Variants in RAI14 observed in about 807,000 individuals in gnomAD.
RAI14 encodes the protein ankycorbin.
In RAI14, 45 loss-of-function variants were observed where a neutral mutation model predicts 115.4. The ratio of observed to expected loss-of-function variants is 0.39; its 90% CI spans 0.31 to 0.50. The LOEUF is 0.50. Ranked by LOEUF, RAI14 falls within the 20% of genes least tolerant of loss-of-function variation. RAI14 has a pLI of 0.85. For synonymous variants in RAI14, 371 were observed against 415.4 expected, an observed-to-expected ratio of 0.89 and a Z score of 1.30; for missense variants, 939 against 1,131.2, an observed-to-expected ratio of 0.83 and a Z score of 2.44.
intron 1 of RAI14, among the ~76,000 whole-genome samples, chr5:34,665,043 G>A (rs932358488): frequency 8.6e-4 from 37 of 43,006 alleles, no homozygotes; most frequent in East Asian, 2.1e-3. Flanking sequence ...GTATATATAT[G>A]TGTATATATA....
chr5:34,795,831 G>A, intron 3 of RAI14, 108 bp from the exon 4 acceptor site: 1 of 789,022 alleles, frequency 1.3e-6, no homozygotes, highest in Non-Finnish European at 2.1e-6. Flanking sequence ...TAGAGCTCAA[G>A]GAAGAGAAAG....
intron 5 of RAI14, among the ~76,000 whole-genome samples, chr5:34,805,950 C>T (rs971300265): frequency 2.6e-5 from 4 of 152,172 alleles, no homozygotes; most frequent in Non-Finnish European, 4.4e-5. Flanking sequence ...CACTGTGCAC[C>T]GTGTCAAGCA....
intron 2 of RAI14, among the ~76,000 whole-genome samples, chr5:34,702,930 T>C (rs1740260924): frequency 6.6e-6 from 1 of 152,172 alleles, no homozygotes; most frequent in Non-Finnish European, 1.5e-5. Context: ...TGTCTCGAAC[T>C]CCTGACCTCA....
At position 34,808,673 on chromosome 5, in the gene RAI14, C is replaced by T. The variant is rs942566757; in HGVS notation, c.450+19C>T. 19 of 1,609,542 alleles carry T rather than the reference C, an allele frequency of 1.2e-5. No homozygotes were observed. Among genetic ancestry groups the T allele is most frequent in the Non-Finnish European group, 1.6e-5 (19 of 1,175,932 alleles). On this transcript the variant is annotated intron_variant, in intron 7 of 17. Coordinates refer to ENST00000265109, the MANE Select transcript of RAI14 (RefSeq NM_015577.3). ...AGATTTGGTAAGTACCAGGTGGTCA[C>T]TAGAGGCAGAGGTAGACATTGGTTT... is the stretch of plus-strand genomic sequence containing the variant.
At chr5:34,733,596 T>C (rs570416583) in intron 2 of RAI14, among the ~76,000 whole-genome samples, 14 of 152,310 alleles carry the variant, frequency 9.2e-5, no homozygotes, top group African/African-American at 2.9e-4. Context: ...ACCTAGAGCA[T>C]CTGGACCCTT....
intron 1 of RAI14, chr5:34,667,319 C>T (rs1463372122): frequency 6.6e-6 from 1 of 152,318 alleles, no homozygotes; most frequent in East Asian, 1.9e-4. Context: ...CTCACCGCAG[C>T]CTTGACCTCC....
intron 7 of RAI14, among the ~76,000 whole-genome samples, chr5:34,809,155 A>G (rs1480553752): frequency 6.6e-6 from 1 of 152,194 alleles, no homozygotes; most frequent in East Asian, 1.9e-4. Context: ...CATTTGCTCC[A>G]AGAATACTCA....
At chr5:34,786,256 C>T (rs982724301) in intron 3 of RAI14, among the ~76,000 whole-genome samples, 7 of 152,236 alleles carry the variant, frequency 4.6e-5, no homozygotes, top group African/African-American at 1.2e-4. Flanking sequence ...TGCCAAGCCT[C>T]TAAATCACCC....
rs374690170 is a variant in RAI14 at position 34,813,567 on chromosome 5, C to A, written c.766-7C>A. The A allele has an allele frequency of 2.1e-5, 33 of 1,609,552 alleles. No homozygotes were observed. Among genetic ancestry groups the A allele is most frequent in the Non-Finnish European group, 2.5e-5 (30 of 1,176,670 alleles). On this transcript the variant is annotated splice_region_variant and splice_polypyrimidine_tract_variant and intron_variant, in intron 10 of 17. Coordinates refer to ENST00000265109, the MANE Select transcript of RAI14 (RefSeq NM_015577.3). ...ACCTCCATTCTTTGGACTGTGATAA[C>A]TTTCAGCATGACCAAGTCTCTAAAA...
intron 2 of RAI14, among the ~76,000 whole-genome samples, chr5:34,740,665 A>G (rs1745397653): frequency 6.6e-6 from 1 of 152,176 alleles, no homozygotes; most frequent in Admixed American, 6.5e-5. Context: ...GAAGAGGGCC[A>G]TCTGTGCACA....
intron 12 of RAI14, 109 bp from the exon 13 acceptor site, chr5:34,818,688 G>T (rs1324629664): frequency 6.7e-6 from 5 of 744,490 alleles, no homozygotes; most frequent in Non-Finnish European, 1.1e-5. Context: ...TTTCTAGTAG[G>T]ATCATACCAG....
intron 2 of RAI14, among the ~76,000 whole-genome samples, chr5:34,711,377 G>A (rs939139071): frequency 2.6e-5 from 4 of 152,134 alleles, no homozygotes; most frequent in African/African-American, 4.8e-5. Context: ...TAAGGGTGGG[G>A]GAAATTATAA....
At chr5:34,761,501 G>A (rs549507509) in intron 3 of RAI14, among the ~76,000 whole-genome samples, 50 of 152,248 alleles carry the variant, frequency 3.3e-4, no homozygotes, top group African/African-American at 1.0e-3. Context: ...GAGAGCTTTC[G>A]TGGTAATTTT....
At chr5:34,739,721 G>A (rs1298310692) in intron 2 of RAI14, among the ~76,000 whole-genome samples, 1 of 152,062 alleles carries the variant, frequency 6.6e-6, no homozygotes, top group Non-Finnish European at 1.5e-5. Context: ...TTCATCACTA[G>A]CCTTGTGTCA....
chr5:34,703,691 T>G (rs1740352003), intron 2 of RAI14, among the ~76,000 whole-genome samples: 1 of 152,168 alleles, frequency 6.6e-6, no homozygotes, highest in Non-Finnish European at 1.5e-5. Context: ...ATATACTATG[T>G]GAGCATATTG....
chr5:34,746,251 G>A (rs1457897295), intron 2 of RAI14, among the ~76,000 whole-genome samples: 10 of 151,804 alleles, frequency 6.6e-5, no homozygotes, highest in Admixed American at 1.3e-4. Context: ...GACTACAGGT[G>A]CCTGCCACCA....
intron 1 of RAI14, among the ~76,000 whole-genome samples, chr5:34,660,122 G>A (rs1259500163): frequency 6.6e-6 from 1 of 152,074 alleles, no homozygotes; most frequent in Non-Finnish European, 1.5e-5. Context: ...GCTGCAGTGA[G>A]CCTAGATTAC....
intron 3 of RAI14, among the ~76,000 whole-genome samples, chr5:34,790,861 A>T (rs7737880): frequency 0.048 from 7,254 of 151,820 alleles, 167 homozygotes; most frequent in Admixed American, 0.067. Flanking sequence ...ATTACACAGG[A>T]TATGCCTACA....
chr5:34,692,155 C>T (rs11744723), intron 2 of RAI14, among the ~76,000 whole-genome samples: 68,213 of 151,898 alleles, frequency 0.45, 17,547 homozygotes, highest in South Asian at 0.64. Context: ...CCCAGCTACT[C>T]GGGAGGCTGA....
Sources: allele counts gnomAD v4.1 joint callset (sites outside exome capture counted in the v4.1 genomes callset), GRCh38; gene constraint gnomAD v4.1.1; transcripts MANE v1.5; gene names NCBI Gene and HGNC (gene_info 2026-07-23, HGNC 2026-07-21).